COLQ: variants seen among roughly 807,000 people sequenced by gnomAD.
COLQ encodes the protein collagen like tail subunit of asymmetric acetylcholinesterase, also known as acetylcholinesterase collagenic tail peptide.
In COLQ, 48 loss-of-function variants were observed where a neutral mutation model predicts 69.0. The observed-to-expected ratio is 0.70, with a 90% CI of 0.55 to 0.88. The LOEUF (loss-of-function observed/expected upper bound fraction) is 0.88. COLQ is among the 40% of genes least tolerant of loss of function. The pLI is 0.00. For missense variants in COLQ, 618 were observed against 594.6 expected (o/e 1.04, Z -0.41); for synonymous variants, 217 against 211.2 (o/e 1.03, Z -0.24).
At chr3:15,491,673 G>A (rs865850040) in intron 1 of COLQ, among the ~76,000 whole-genome samples, 12 of 152,244 alleles carry the variant, frequency 7.9e-5, no homozygotes, top group Middle Eastern at 3.4e-3. Flanking sequence ...TTTATTATCC[G>A]GAAATGAAAT....
intron 1 of COLQ, among the ~76,000 whole-genome samples, chr3:15,490,019 C>T (rs1400365964): frequency 6.6e-6 from 1 of 152,204 alleles, no homozygotes; most frequent in Non-Finnish European, 1.5e-5. Flanking sequence ...ATATTGTACT[C>T]AGAAGGAAAT....
chr3:15,462,714 G>A (rs978721838), intron 12 of COLQ, among the ~76,000 whole-genome samples: 28 of 152,320 alleles, frequency 1.8e-4, no homozygotes, highest in African/African-American at 6.0e-4. Context: ...CAATGGAGAG[G>A]CCATAACAGA....
At chr3:15,499,467 G>A (rs12638151) in intron 1 of COLQ, among the ~76,000 whole-genome samples, 21 of 152,290 alleles carry the variant, frequency 1.4e-4, no homozygotes, top group Admixed American at 6.5e-4. Context: ...CATGGTCTCC[G>A]TTACAACCTC....
At chr3:15,497,406 A>G (rs1322503196) in intron 1 of COLQ, among the ~76,000 whole-genome samples, 1 of 152,040 alleles carries the variant, frequency 6.6e-6, no homozygotes, top group African/African-American at 2.4e-5. Context: ...ATCTTCATCT[A>G]CCCTCTTGCA....
At chr3:15,478,198 C>T (rs972177969) in intron 5 of COLQ, among the ~76,000 whole-genome samples, 4 of 152,224 alleles carry the variant, frequency 2.6e-5, no homozygotes, top group Non-Finnish European at 5.9e-5. Flanking sequence ...GAGACCACCC[C>T]AGCACTTCAG....
chr3:15,458,661 C>T (rs577716535), intron 12 of COLQ, among the ~76,000 whole-genome samples: 2 of 152,268 alleles, frequency 1.3e-5, no homozygotes, highest in South Asian at 4.1e-4. Context: ...GGCCTGGGGC[C>T]CTGACAGTGA....
chr3:15,496,011 C>T (rs1461966527), intron 1 of COLQ, among the ~76,000 whole-genome samples: 1 of 152,196 alleles, frequency 6.6e-6, no homozygotes, highest in African/African-American at 2.4e-5. Context: ...GCACTCATCA[C>T]CATTATTTTT....
chr3:15,510,061 A>G (rs928627829), intron 1 of COLQ, among the ~76,000 whole-genome samples: 1 of 151,994 alleles, frequency 6.6e-6, no homozygotes, highest in East Asian at 1.9e-4. Flanking sequence ...CTGTAGTCCC[A>G]GCTACTCGGG....
intron 4 of COLQ, 32 bp from the exon 5 acceptor site, chr3:15,479,035 T>G: frequency 6.2e-7 from 1 of 1,614,084 alleles, no homozygotes; most frequent in East Asian, 2.2e-5. Context: ...AAGGAGAGGC[T>G]GCTTTGGAAG....
chr3:15,471,959 C>T (rs77240381), intron 10 of COLQ, among the ~76,000 whole-genome samples: 33,150 of 150,030 alleles, frequency 0.22, 4,629 homozygotes, highest in South Asian at 0.38. Flanking sequence ...AAAACAGCAG[C>T]ACAAGCAGCA....
intron 7 of COLQ, 29 bp downstream of exon 7, chr3:15,475,396 G>T: frequency 1.3e-6 from 2 of 1,572,042 alleles, no homozygotes; most frequent in South Asian, 2.3e-5. Flanking sequence ...ACAGAGATCT[G>T]GGAACGTCCA....
chr3:15,478,827 C>T, intron 5 of COLQ, 150 bp downstream of exon 5: 3 of 916,348 alleles, frequency 3.3e-6, no homozygotes, highest in South Asian at 2.7e-5. Flanking sequence ...AAGGTTACTA[C>T]TGTCACCATC....
At chr3:15,455,748 G>T in intron 15 of COLQ, 151 bp downstream of exon 15, 1 of 928,230 alleles carries the variant, frequency 1.1e-6, no homozygotes. Context: ...GGGCAGCAGG[G>T]ACTGGGGTGG....
Position 15,475,505 on chromosome 3 carries a change from A to C in COLQ, c.466-18T>G. 6.3e-7 allele frequency: 1 copy of C among 1,581,312 alleles called. No individual in the cohort carries two copies. Among genetic ancestry groups the C allele is most frequent in the Non-Finnish European group, 8.6e-7 (1 of 1,161,006 alleles). ...TTTTCACCCTGTGGGAATTAGAAGA[A>C]GAAAAGACCCACGGTGATATTTTTT... On this transcript the variant is annotated intron_variant, in intron 6 of 16. Coordinates refer to ENST00000383788, the MANE Select transcript of COLQ (RefSeq NM_005677.4).
Position 15,488,883 on chromosome 3 carries a change from T to C in COLQ, c.220-576A>G, listed in dbSNP as rs1575483407. On this transcript the variant is annotated intron_variant, in intron 2 of 16. Coordinates refer to ENST00000383788, the MANE Select transcript of COLQ (RefSeq NM_005677.4). Reference sequence around the variant, plus strand: ...CACACCTCAACTTGAACTAGCCACATTGCAAGTGCCAGATAGCTACATATG... The same window carrying C: ...CACACCTCAACTTGAACTAGCCACACTGCAAGTGCCAGATAGCTACATATG... 2.6e-5 allele frequency among the ~76,000 whole-genome samples: 4 copies of C among 152,332 alleles called. No individual in the cohort carries two copies. The South Asian group carries it at 6.2e-4, about 24-fold the overall frequency.
chr3:15,464,122 A>G (rs1036996578), intron 12 of COLQ, among the ~76,000 whole-genome samples: 1 of 127,426 alleles, frequency 7.8e-6, no homozygotes, highest in Non-Finnish European at 1.6e-5. Flanking sequence ...CTGGTATATG[A>G]GGAGTATGAG....
chr3:15,507,794 G>A (rs1220347223), intron 1 of COLQ, among the ~76,000 whole-genome samples: 2 of 152,170 alleles, frequency 1.3e-5, no homozygotes, highest in Non-Finnish European at 2.9e-5. Flanking sequence ...TATAGTAAAT[G>A]AGACTGAGAA....
At chr3:15,460,135 A>G (rs1190585218) in intron 12 of COLQ, among the ~76,000 whole-genome samples, 1 of 152,140 alleles carries the variant, frequency 6.6e-6, no homozygotes, top group Non-Finnish European at 1.5e-5. Context: ...GTGATTCTAT[A>G]TATTGTGAGA....
intron 12 of COLQ, among the ~76,000 whole-genome samples, chr3:15,465,861 T>A (rs2062192278): frequency 6.6e-6 from 1 of 152,170 alleles, no homozygotes; most frequent in Non-Finnish European, 1.5e-5. Flanking sequence ...CGTCTCGGCC[T>A]CCCAAAGTGC....
Sources: gnomAD v4.1 joint callset for allele counts (sites outside exome capture counted in the v4.1 genomes callset) on GRCh38, gnomAD v4.1.1 for gene constraint, MANE v1.5 for transcripts, NCBI Gene and HGNC (gene_info 2026-07-23, HGNC 2026-07-21) for gene names.